Variants in FRYL observed in about 807,000 individuals in gnomAD.
The protein encoded by FRYL is FRY like transcription coactivator, also known as protein furry homolog-like.
In FRYL, 150 loss-of-function variants were observed where a neutral mutation model predicts 351.2. The observed-to-expected ratio is 0.43, with a 90% CI of 0.37 to 0.49. The LOEUF is 0.49. FRYL is among the 20% of genes least tolerant of loss of function. The pLI, the probability that FRYL is intolerant of heterozygous loss-of-function variation, is 0.00. For synonymous variants in FRYL, 1,153 were observed against 1,257.1 expected, an observed-to-expected ratio of 0.92 and a Z score of 1.75; for missense variants, 3,036 against 3,619.3, an observed-to-expected ratio of 0.84 and a Z score of 4.13.
chr4:48,604,818 C>T (rs776479159), intron 11 of FRYL, among the ~76,000 whole-genome samples: 2 of 152,106 alleles, frequency 1.3e-5, no homozygotes, highest in Non-Finnish European at 2.9e-5. Context: ...AATCAGGCAA[C>T]ACGATGATAA....
In FRYL at chr4:48,540,428, C is replaced by G; in HGVS notation, c.6220G>C (p.Glu2074Gln). 1.9e-6 allele frequency: 3 copies of G among 1,613,968 alleles called. No homozygotes were observed. The highest frequency in any genetic ancestry group is 1.7e-6 in the Non-Finnish European group (2 of 1,179,902). The change falls in exon 46 of 64, where the codon GAA becomes CAA. Residue 2074 changes from glutamate (E) to glutamine (Q), a missense_variant. By Grantham distance (29) the Glu-to-Gln change is conservative. Transcript: ENST00000358350. ...TTACTGAGGAGGTGCACGGTCATTT[C>G]TTGTGTAGATGCTGAGGTAAAACCC... Reference protein sequence around the residue: ...LKGFTSASTQEMTVHLLSKLI... With the variant: ...LKGFTSASTQQMTVHLLSKLI...
chr4:48,560,149 A>C (rs1735145979), intron 33 of FRYL, among the ~76,000 whole-genome samples: 1 of 152,174 alleles, frequency 6.6e-6, no homozygotes, highest in South Asian at 2.1e-4. Context: ...AGGGCCTCAG[A>C]GCTGACAACA....
intron 19 of FRYL, among the ~76,000 whole-genome samples, chr4:48,585,104 T>C (rs1741810383): frequency 1.3e-5 from 2 of 152,164 alleles, no homozygotes; most frequent in Non-Finnish European, 2.9e-5. Flanking sequence ...TCCACAAAGA[T>C]GTAGATGAGT....
intron 3 of FRYL, among the ~76,000 whole-genome samples, chr4:48,645,138 A>ATATATATATATATATATATATATATATG (rs1756167132): frequency 7.4e-6 from 1 of 134,362 alleles, no homozygotes; most frequent in Non-Finnish European, 1.6e-5. Flanking sequence ...ATATATATAT[A>ATATATATATATATATATATATATATATG]TATATATATA....
intron 44 of FRYL, 128 bp downstream of exon 44, chr4:48,543,678 GC>G: frequency 1.4e-6 from 1 of 722,154 alleles, no homozygotes. Context: ...TTAATTCTTT[GC>G]CTGCTCAACA....
In FRYL at chr4:48,515,071, C is replaced by CATCTAGCTCTTTCAGAGCTA. The variant is rs1398360589; in HGVS notation, c.7874_7893dup (p.Glu2632Ter). Reference sequence around the variant, plus strand: ...TCCGCTTCTTCTTCTTCACATCTTTCATCTAGCTCTTTCAGAGCTAAGGTA... The same window carrying CATCTAGCTCTTTCAGAGCTA: ...TCCGCTTCTTCTTCTTCACATCTTTCATCTAGCTCTTTCAGAGCTAATCTAGCTCTTTCAGAGCTAAGGTA... On this transcript the variant is annotated stop_gained and frameshift_variant, in exon 56 of 64. Coordinates refer to ENST00000358350, the MANE Select transcript of FRYL (RefSeq NM_015030.2). LOFTEE classifies it high-confidence loss of function. 2 of 1,613,702 alleles carry CATCTAGCTCTTTCAGAGCTA rather than the reference C, an allele frequency of 1.2e-6. No individual in the cohort carries two copies. Among genetic ancestry groups the CATCTAGCTCTTTCAGAGCTA allele is most frequent in the Non-Finnish European group, 8.5e-7 (1 of 1,179,826 alleles).
intron 2 of FRYL, among the ~76,000 whole-genome samples, chr4:48,703,977 TAA>T (rs1419470438): frequency 6.6e-6 from 1 of 152,224 alleles, no homozygotes; most frequent in Non-Finnish European, 1.5e-5. Context: ...GGTTTGTGGA[TAA>T]AGTCACATTC....
chr4:48,531,266 T>A lies in FRYL; in HGVS notation c.6793A>T (p.Thr2265Ser). 1 of 1,613,148 alleles carries A rather than the reference T, an allele frequency of 6.2e-7. No individual in the cohort carries two copies. Among genetic ancestry groups the A allele is most frequent in the South Asian group, 1.1e-5 (1 of 91,060 alleles). The change falls in exon 50 of 64, where the codon ACC (threonine) becomes TCC (serine). Residue 2265 changes from threonine (T) to serine (S), a missense_variant. Thr to Ser is a moderately conservative substitution (Grantham distance 58). Coordinates refer to ENST00000358350, the MANE Select transcript of FRYL (RefSeq NM_015030.2). ...SLVVPSDIPKTYGGDTGSPEI... is the reference protein window; with the variant it reads ...SLVVPSDIPKSYGGDTGSPEI... ...GGAGAACCTGTATCTCCTCCATAGGTCTTGGGGATATCACTGGGTACGACA... is the reference window on the plus strand; with the variant it reads ...GGAGAACCTGTATCTCCTCCATAGGACTTGGGGATATCACTGGGTACGACA...
At chr4:48,619,084 A>G in intron 7 of FRYL, 190 bp downstream of exon 7, 1 of 441,536 alleles carries the variant, frequency 2.3e-6, no homozygotes, top group South Asian at 5.8e-5. Context: ...CAAAGGTAAA[A>G]AATAGAGGAG....
At chr4:48,773,919 T>C (rs1321358796) in intron 1 of FRYL, among the ~76,000 whole-genome samples, 3 of 152,214 alleles carry the variant, frequency 2.0e-5, no homozygotes, top group Non-Finnish European at 2.9e-5. Context: ...AGTGAGACTC[T>C]GTATCAAATA....
intron 1 of FRYL, among the ~76,000 whole-genome samples, chr4:48,762,771 T>C (rs977369799): frequency 4.6e-5 from 7 of 152,212 alleles, no homozygotes; most frequent in Non-Finnish European, 8.8e-5. Context: ...AAACCAGTCT[T>C]TGCAAGGATT....
At chr4:48,654,050 A>G (rs573499965) in intron 3 of FRYL, 15 of 520,062 alleles carry the variant, frequency 2.9e-5, no homozygotes, top group Admixed American at 9.0e-5. Context: ...GCCCAGAAGG[A>G]CACCCTCACC....
rs763302822 is a variant in FRYL at position 48,543,940 on chromosome 4, C to A, written c.5459G>T (p.Cys1820Phe). 4.3e-6 allele frequency: 7 copies of A among 1,613,864 alleles called. No homozygotes were observed. The highest frequency in any genetic ancestry group is 3.3e-5 in the Admixed American group (2 of 59,986). Residue 1820 changes from cysteine (C) to phenylalanine (F), a missense_variant, in exon 44 of 64, where the codon TGT becomes TTT. Transcript: ENST00000358350. ...SEVALQTALSCSSRHYAGRSF... is the reference protein window; with the variant it reads ...SEVALQTALSFSSRHYAGRSF... ...TCTCCCAGCATAGTGTCGAGAAGAA[C>A]AGGAAAGTGCTGTTTGCAGAGCAAC...
At chr4:48,654,973 T>C (rs1758519646) in intron 3 of FRYL, among the ~76,000 whole-genome samples, 1 of 152,198 alleles carries the variant, frequency 6.6e-6, no homozygotes, top group South Asian at 2.1e-4. Context: ...TTTGTACCAA[T>C]CCATCTACAT....
intron 57 of FRYL, 55 bp downstream of exon 57, chr4:48,512,426 T>G (rs961980279): frequency 7.4e-7 from 1 of 1,354,204 alleles, no homozygotes; most frequent in Non-Finnish European, 1.0e-6. Context: ...GAAGAAAAAC[T>G]GTAACTTGAT....
intron 13 of FRYL, among the ~76,000 whole-genome samples, chr4:48,598,156 C>G (rs1352495760): frequency 1.3e-5 from 2 of 152,106 alleles, no homozygotes; most frequent in African/African-American, 4.8e-5. Flanking sequence ...TCAGCTTGAA[C>G]TCAGGAGTTG....
chr4:48,710,725 G>T (rs1334473284), intron 1 of FRYL, 27 bp from the exon 2 acceptor site: 9 of 396,540 alleles, frequency 2.3e-5, no homozygotes, highest in Non-Finnish European at 3.6e-5. Context: ...TAGGAAATAT[G>T]GTCATCACTA....
At chr4:48,568,679 C>G (rs1281648412) in intron 27 of FRYL, among the ~76,000 whole-genome samples, 1 of 152,046 alleles carries the variant, frequency 6.6e-6, no homozygotes, top group Admixed American at 6.6e-5. Context: ...CTAGATCAGT[C>G]TACAACAATA....
intron 56 of FRYL, among the ~76,000 whole-genome samples, chr4:48,514,824 C>T (rs542900784): frequency 2.0e-5 from 3 of 152,050 alleles, no homozygotes; most frequent in Non-Finnish European, 4.4e-5. Context: ...TGTCCATAAT[C>T]GAAGAAATAT....
Sources: allele counts gnomAD v4.1 joint callset (sites outside exome capture counted in the v4.1 genomes callset), GRCh38; gene constraint gnomAD v4.1.1; transcripts MANE v1.5; gene names NCBI Gene and HGNC (gene_info 2026-07-23, HGNC 2026-07-21).